CNTN4: variants seen among roughly 807,000 people sequenced by gnomAD.
CNTN4 encodes the protein contactin-4.
Under a neutral mutation model 122.5 loss-of-function variants are expected in CNTN4, and 77 were observed. The ratio of observed to expected loss-of-function variants is 0.63; its 90% CI spans 0.52 to 0.76. CNTN4 has a LOEUF of 0.76. CNTN4 is among the 30% of genes least tolerant of loss of function. CNTN4 has a pLI of 0.00. For missense variants in CNTN4, 1,256 were observed against 1,259.1 expected (o/e 1.00, Z 0.04); for synonymous variants, 512 against 447.0 (o/e 1.15, Z -1.83).
rs1390803502 is a variant in CNTN4, at chr3:2,100,557, G to C, written c.-226-1G>C. 6.6e-6 allele frequency: 1 copy of C among 152,186 alleles called. No individual in the cohort carries two copies. Among genetic ancestry groups the C allele is most frequent in the Non-Finnish European group, 1.5e-5 (1 of 68,056 alleles). The allele number at this position is 152,186 out of a possible 1,614,324, so 9.4% of individuals were successfully genotyped here. ...TCTCTCTTTCTCTCTCTCTACCCAA[G>C]TGGGTGAAAAAGAACAGTGTGTCAT... On this transcript the variant is annotated splice_acceptor_variant, in intron 1 of 24. Transcript: ENST00000418658. LOFTEE classifies it low-confidence loss of function (5UTR_SPLICE).
chr3:3,023,371 C>G (rs1446834247), intron 14 of CNTN4, among the ~76,000 whole-genome samples: 1 of 152,148 alleles, frequency 6.6e-6, no homozygotes, highest in Non-Finnish European at 1.5e-5. Context: ...CCAACATAAT[C>G]CTTGACTCAG....
At chr3:2,301,697 A>AGT (rs1285899628) in intron 2 of CNTN4, among the ~76,000 whole-genome samples, 10 of 152,250 alleles carry the variant, frequency 6.6e-5, no homozygotes, top group Non-Finnish European at 1.2e-4. Flanking sequence ...TTTGAACAGC[A>AGT]GTGTGAAGTC....
At chr3:2,591,372 T>C in intron 4 of CNTN4, among the ~76,000 whole-genome samples, 1 of 42,422 alleles carries the variant, frequency 2.4e-5, no homozygotes, top group African/African-American at 8.9e-5. Flanking sequence ...TTTTTTTTTT[T>C]TTTTTTTTTT....
chr3:2,502,869 A>G (rs1203276895), intron 3 of CNTN4, among the ~76,000 whole-genome samples: 1 of 152,120 alleles, frequency 6.6e-6, no homozygotes, highest in African/African-American at 2.4e-5. Context: ...TTTTATTATG[A>G]TTATTCCTGT....
At chr3:2,988,622 T>C (rs972004234) in intron 14 of CNTN4, 150 bp downstream of exon 14, 1 of 803,310 alleles carries the variant, frequency 1.2e-6, no homozygotes, top group African/African-American at 1.7e-5. Flanking sequence ...ATATGATTAA[T>C]AATTCTTAGA....
intron 3 of CNTN4, among the ~76,000 whole-genome samples, chr3:2,352,280 G>A (rs559535563): frequency 4.6e-5 from 7 of 152,232 alleles, no homozygotes; most frequent in East Asian, 3.9e-4. Flanking sequence ...AGGCCAAGGC[G>A]TCCACTCTGG....
At chr3:3,014,968 A>G (rs1697611564) in intron 14 of CNTN4, among the ~76,000 whole-genome samples, 1 of 148,604 alleles carries the variant, frequency 6.7e-6, no homozygotes, top group Admixed American at 6.8e-5. Context: ...CTAAATGTCC[A>G]GTGACCTTCA....
rs1252226932 is a variant in CNTN4, at chr3:2,327,884, G to T, written c.-144-11294G>T. On this transcript the variant is annotated intron_variant, in intron 2 of 24. Coordinates refer to ENST00000418658, the MANE Select transcript of CNTN4 (RefSeq NM_175607.3). The stretch of plus-strand genomic sequence containing the variant: ...AAAACATGGCATCTTAGCATTTGAG[G>T]AAACAGCCAAAGCAGACCATACAAA... 2.6e-5 allele frequency among the ~76,000 whole-genome samples: 4 copies of T among 152,126 alleles called. No homozygotes were observed. The East Asian group carries it at 7.7e-4, about 29-fold the overall frequency.
chr3:2,669,854 A>T (rs1288450140), intron 4 of CNTN4, among the ~76,000 whole-genome samples: 3 of 152,166 alleles, frequency 2.0e-5, no homozygotes, highest in Non-Finnish European at 2.9e-5. Flanking sequence ...TTATGTACCC[A>T]GTAGTCATTC....
At chr3:2,512,321 C>T (rs2076910897) in intron 3 of CNTN4, among the ~76,000 whole-genome samples, 1 of 151,910 alleles carries the variant, frequency 6.6e-6, no homozygotes, top group Non-Finnish European at 1.5e-5. Context: ...CCCCTTATTG[C>T]TTTTGAATGC....
intron 2 of CNTN4, among the ~76,000 whole-genome samples, chr3:2,167,471 T>A (rs1282477747): frequency 6.6e-6 from 1 of 152,230 alleles, no homozygotes; most frequent in Non-Finnish European, 1.5e-5. Context: ...ATCAAACTTT[T>A]GTGCACTGAA....
rs551568116 is a variant in CNTN4 at position 2,191,850 on chromosome 3, G to C, written c.-145+91211G>C. On this transcript the variant is annotated intron_variant, in intron 2 of 24. Transcript: ENST00000418658. ...ACCCATTAACTTGTCATTTACATTAGGTATATCTCCTAATGCTATGCCTCC... is the reference window on the plus strand; with the variant it reads ...ACCCATTAACTTGTCATTTACATTACGTATATCTCCTAATGCTATGCCTCC... 5.3e-5 allele frequency among the ~76,000 whole-genome samples: 8 copies of C among 152,024 alleles called. No homozygotes were observed. In the East Asian group the frequency reaches 5.8e-4, roughly 11 times the overall value.
At chr3:2,845,330 G>C (rs963767883) in intron 7 of CNTN4, among the ~76,000 whole-genome samples, 4 of 151,846 alleles carry the variant, frequency 2.6e-5, no homozygotes, top group Non-Finnish European at 4.4e-5. Flanking sequence ...AACAACCCTA[G>C]TCCACTGTCA....
rs565512228 is a variant in CNTN4, at chr3:2,148,532, CAAAAA to C, written c.-145+47900_-145+47904del. 3.3e-3 allele frequency among the ~76,000 whole-genome samples: 448 copies of C among 134,764 alleles called. 2 individuals are homozygous for C. Among genetic ancestry groups the C allele is most frequent in the African/African-American group, 0.011 (409 of 36,548 alleles). The allele number at this position is 134,764 out of a possible 152,430, so 88.4% of individuals were successfully genotyped here. ...TGGGTGACAGAGCGAGCCCCTGTCT[CAAAAA>C]AAAAAAGAAAAGAAAAGAAAAAAAT... On this transcript the variant is annotated intron_variant, in intron 2 of 24. Coordinates refer to ENST00000418658, the MANE Select transcript of CNTN4 (RefSeq NM_175607.3).
At chr3:2,906,538 T>G (rs2094234911) in intron 12 of CNTN4, among the ~76,000 whole-genome samples, 1 of 151,910 alleles carries the variant, frequency 6.6e-6, no homozygotes, top group Admixed American at 6.6e-5. Context: ...AAATTTAAAC[T>G]TGAAAAAGAA....
chr3:2,554,705 C>T (rs550702719), intron 3 of CNTN4, among the ~76,000 whole-genome samples: 1 of 152,248 alleles, frequency 6.6e-6, no homozygotes, highest in South Asian at 2.1e-4. Flanking sequence ...AATGAGCAAG[C>T]ATTGATGTGT....
rs78173455 is a variant in CNTN4, at chr3:2,530,118, A to C, written c.-88-41298A>C. ...TTTTCAGAAATCTTGTAATAAATCC[A>C]CTGATTTGAGAGCAGTAGGAGCTTT... On this transcript the variant is annotated intron_variant, in intron 3 of 24. Transcript: ENST00000418658. Among the ~76,000 whole-genome samples, 25 of 152,190 alleles carry C rather than the reference A, an allele frequency of 1.6e-4. No individual in the cohort carries two copies. In the East Asian group the frequency reaches 2.9e-3, roughly 18 times the overall value.
chr3:2,657,761 C>T lies in CNTN4; in HGVS notation c.56-78454C>T, dbSNP rs371576333. Among the ~76,000 whole-genome samples, 17 of 151,812 alleles carry T rather than the reference C, an allele frequency of 1.1e-4. No homozygotes were observed. In the South Asian group the frequency reaches 3.3e-3, roughly 30 times the overall value. On this transcript the variant is annotated intron_variant, in intron 4 of 24. Transcript: ENST00000418658. ...GCAGTTACTGTTTTCTAATGCAAAT[C>T]GTTCTAGAGAAAAAATATATATGTT... is the stretch of plus-strand genomic sequence containing the variant.
intron 13 of CNTN4, among the ~76,000 whole-genome samples, chr3:2,950,761 C>G (rs2094732340): frequency 6.6e-6 from 1 of 152,170 alleles, no homozygotes; most frequent in African/African-American, 2.4e-5. Context: ...ATATGGAGAC[C>G]TTCCTGAATC....
Sources: gnomAD v4.1 joint callset for allele counts (sites outside exome capture counted in the v4.1 genomes callset) on GRCh38, gnomAD v4.1.1 for gene constraint, MANE v1.5 for transcripts, NCBI Gene and HGNC (gene_info 2026-07-23, HGNC 2026-07-21) for gene names.